Variants in CACNA1D observed in about 807,000 individuals in gnomAD.
The protein encoded by CACNA1D is voltage-dependent L-type calcium channel subunit alpha-1D.
In CACNA1D, 55 loss-of-function variants were observed where a neutral mutation model predicts 257.1. The ratio of observed to expected loss-of-function variants is 0.21; its 90% CI spans 0.17 to 0.27. CACNA1D has a LOEUF of 0.27. Among genes scored for constraint, CACNA1D ranks in the 10% least tolerant of loss-of-function variants. The pLI is 1.00. For synonymous variants in CACNA1D, 980 were observed against 1,014.9 expected (o/e 0.97, Z 0.65); for missense variants, 1,876 against 2,784.0 (o/e 0.67, Z 7.34).
In CACNA1D at chr3:53,783,882, C is replaced by T. The variant is rs990416279; in HGVS notation, c.4792+2215C>T. Among the ~76,000 whole-genome samples, 6 of 152,242 alleles carry T rather than the reference C, an allele frequency of 3.9e-5. No individual in the cohort carries two copies. In the South Asian group the frequency reaches 8.3e-4, roughly 21 times the overall value. On this transcript the variant is annotated intron_variant, in intron 39 of 47. Transcript: ENST00000350061. The stretch of plus-strand genomic sequence containing the variant: ...AGGCTGAGGGCCTCAGCATCCCCTA[C>T]ACCATCACCTGGTCAAGAAGCAGGA...
In CACNA1D at chr3:53,722,239, A is replaced by C. The variant is rs904372247; in HGVS notation, c.1506-75A>C. 7.3e-5 allele frequency: 112 copies of C among 1,542,418 alleles called. 1 individual carries two copies. Among genetic ancestry groups the C allele is most frequent in the Non-Finnish European group, 9.2e-5 (103 of 1,119,082 alleles). Reference sequence around the variant, plus strand: ...AGACCTCCAGAGTGAAAGCCAAATTATCTCTCAATCATATTTATTGGATAC... The same window carrying C: ...AGACCTCCAGAGTGAAAGCCAAATTCTCTCTCAATCATATTTATTGGATAC... On this transcript the variant is annotated intron_variant, in intron 11 of 47. Transcript: ENST00000350061.
chr3:53,617,694 A>G (rs1444940200), intron 3 of CACNA1D, among the ~76,000 whole-genome samples: 1 of 152,156 alleles, frequency 6.6e-6, no homozygotes, highest in Non-Finnish European at 1.5e-5. Flanking sequence ...TGGGTGGTCA[A>G]CTAACAGGAT....
intron 18 of CACNA1D, 88 bp from the exon 19 acceptor site, chr3:53,732,727 A>T: frequency 2.3e-6 from 3 of 1,278,254 alleles, no homozygotes; most frequent in Non-Finnish European, 3.4e-6. Flanking sequence ...GTTAAAGTTT[A>T]AGCCAAATTT....
intron 42 of CACNA1D, among the ~76,000 whole-genome samples, chr3:53,801,678 C>T (rs1404895107): frequency 1.3e-5 from 2 of 152,198 alleles, no homozygotes; most frequent in East Asian, 3.8e-4. Flanking sequence ...CTTAAAACAG[C>T]AGCAGCCACA....
At chr3:53,783,231 A>C (rs556485142) in intron 39 of CACNA1D, 1 of 152,456 alleles carries the variant, frequency 6.6e-6, no homozygotes, top group South Asian at 2.1e-4. Flanking sequence ...TCCCACATTG[A>C]TGCCCATCCT....
At chr3:53,531,228 G>A (rs766744515) in intron 3 of CACNA1D, among the ~76,000 whole-genome samples, 61 of 152,010 alleles carry the variant, frequency 4.0e-4, no homozygotes, top group Non-Finnish European at 5.1e-4. Context: ...CAAGCTCCCC[G>A]TGTTTCTTTC....
intron 14 of CACNA1D, among the ~76,000 whole-genome samples, chr3:53,726,463 ACT>A (rs1170306922): frequency 6.6e-6 from 1 of 151,666 alleles, no homozygotes; most frequent in African/African-American, 2.4e-5. Flanking sequence ...CTGCTGTAAC[ACT>A]CTCTCTACTA....
Position 53,774,598 on chromosome 3 carries a change from A to G in CACNA1D, c.4122A>G (p.Lys1374=), listed in dbSNP as rs1219024829. 6.2e-7 allele frequency: 1 copy of G among 1,602,788 alleles called. No individual in the cohort carries two copies. The highest frequency in any genetic ancestry group is 1.7e-5 in the Admixed American group (1 of 60,014). Residue 1374 remains lysine, a synonymous_variant, in exon 34 of 48, where the codon AAA becomes AAG. Transcript: ENST00000350061. This position sits in a 1 kb window ranked among gnomAD's most constrained non-coding sequence, Gnocchi z 4.3. ...YAVIGMQMFG[K]VAMRDNNQIN... ...ACTTCTCCACCTAGATGTTTGGGAA[A>G]GTTGCCATGAGAGATAACAACCAGA...
intron 3 of CACNA1D, among the ~76,000 whole-genome samples, chr3:53,560,222 TG>T (rs1375628757): frequency 2.0e-5 from 3 of 152,156 alleles, no homozygotes; most frequent in African/African-American, 7.2e-5. Flanking sequence ...TCTGCTGGTT[TG>T]GTGATACTCT....
At chr3:53,616,797 T>C (rs2093642184) in intron 3 of CACNA1D, among the ~76,000 whole-genome samples, 1 of 149,456 alleles carries the variant, frequency 6.7e-6, no homozygotes, top group African/African-American at 2.5e-5. Context: ...CTTTTTTTCT[T>C]TTTTTTTTTA....
intron 2 of CACNA1D, among the ~76,000 whole-genome samples, chr3:53,499,579 T>C (rs1281029266): frequency 1.3e-5 from 2 of 152,098 alleles, no homozygotes; most frequent in Non-Finnish European, 2.9e-5. Context: ...GAAAATCTTA[T>C]GGCAGTGAGA....
Position 53,663,634 on chromosome 3 carries a change from A to G in CACNA1D, c.767-2026A>G, listed in dbSNP as rs114797285. On this transcript the variant is annotated intron_variant, in intron 5 of 47. Coordinates refer to ENST00000350061, the MANE Select transcript of CACNA1D (RefSeq NM_001128840.3). ...TGGCACTGAGTATGACTCCATGGGT[A>G]GCTTCTATTAGGTTGGTGTGAACGT... 8.7e-3 allele frequency among the ~76,000 whole-genome samples: 1,326 copies of G among 152,186 alleles called. 18 individuals carry two copies. Among genetic ancestry groups the G allele is most frequent in the African/African-American group, 0.031 (1,268 of 41,512 alleles).
intron 3 of CACNA1D, among the ~76,000 whole-genome samples, chr3:53,548,371 T>A (rs866473272): frequency 0.011 from 1,562 of 138,142 alleles, 14 homozygotes; most frequent in Non-Finnish European, 0.013. Context: ...TTTTTTTTTT[T>A]AAAAATTATC....
In CACNA1D at chr3:53,501,619, T is replaced by C. The variant is rs761648251; in HGVS notation, c.382T>C (p.Phe128Leu). ...ACISIVEWKPFDIFILLAIFA... is the reference protein window; with the variant it reads ...ACISIVEWKPLDIFILLAIFA... ...TACCTTAACACATTTTTTCAGACCA[T>C]TTGACATATTTATATTATTGGCTAT... Residue 128 changes from phenylalanine (F) to leucine (L), a missense_variant, in exon 3 of 48, where the codon TTT becomes CTT. Coordinates refer to ENST00000350061, the MANE Select transcript of CACNA1D (RefSeq NM_001128840.3). The C allele has an allele frequency of 6.5e-7, 1 of 1,530,668 alleles. No homozygotes were observed. The highest frequency in any genetic ancestry group is 9.0e-7 in the Non-Finnish European group (1 of 1,105,358). The allele number at this position is 1,530,668 out of a possible 1,614,324, so 94.8% of individuals were successfully genotyped here.
chr3:53,545,192 A>C (rs568937588), intron 3 of CACNA1D, among the ~76,000 whole-genome samples: 12 of 151,460 alleles, frequency 7.9e-5, no homozygotes, highest in Admixed American at 2.6e-4. Flanking sequence ...CCATGACTAT[A>C]ATCCTATGAT....
chr3:53,691,494 T>C (rs1484126508), intron 8 of CACNA1D, among the ~76,000 whole-genome samples: 4 of 151,178 alleles, frequency 2.6e-5, no homozygotes, highest in Non-Finnish European at 4.4e-5. Context: ...ATTCTCATCA[T>C]TGGGAAAAAT....
At chr3:53,630,827 A>T (rs2108116006) in intron 3 of CACNA1D, among the ~76,000 whole-genome samples, 1 of 152,308 alleles carries the variant, frequency 6.6e-6, no homozygotes, top group South Asian at 2.1e-4. Flanking sequence ...AATAAAGCAA[A>T]TATTTGCAGT....
At chr3:53,785,974 C>G (rs1156697968) in intron 39 of CACNA1D, 2 of 152,318 alleles carry the variant, frequency 1.3e-5, no homozygotes, top group Admixed American at 1.3e-4. Context: ...AGCTTTACCC[C>G]CAAGAGACAC....
At chr3:53,731,044 T>A (rs1218019811) in intron 16 of CACNA1D, 33 bp from the exon 17 acceptor site, 1 of 1,309,944 alleles carries the variant, frequency 7.6e-7, no homozygotes, top group East Asian at 2.3e-5. Context: ...ACATGGTTAT[T>A]TGGTTTCTTG....
Sources: allele counts gnomAD v4.1 joint callset (sites outside exome capture counted in the v4.1 genomes callset), GRCh38; gene constraint gnomAD v4.1.1; non-coding constraint Gnocchi (gnomAD v3.1); transcripts MANE v1.5; gene names NCBI Gene and HGNC (gene_info 2026-07-23, HGNC 2026-07-21).